Variants in MYH7B observed in about 807,000 individuals in gnomAD.
MYH7B encodes the protein myosin-7B.
A neutral mutation model predicts 234.5 loss-of-function variants in MYH7B; 205 were observed. That is an observed-to-expected ratio of 0.87 (90% CI 0.78 to 0.98). The LOEUF (loss-of-function observed/expected upper bound fraction) is 0.98. Ranked by LOEUF, MYH7B falls within the 50% of genes least tolerant of loss-of-function variation. The pLI, the probability that MYH7B is intolerant of heterozygous loss-of-function variation, is 0.00. For missense variants in MYH7B, 2,652 were observed against 2,633.4 expected, an observed-to-expected ratio of 1.01 and a Z score of -0.15; for synonymous variants, 1,193 against 1,105.0, an observed-to-expected ratio of 1.08 and a Z score of -1.58.
intron 43 of MYH7B, 147 bp downstream of exon 43, chr20:35,001,673 T>G (rs1230716699): frequency 2.4e-6 from 2 of 819,960 alleles, no homozygotes; most frequent in African/African-American, 3.4e-5. Flanking sequence ...TCTGGGGAGA[T>G]CAGACCTAGC....
chr20:34,982,634 T>A (rs933832248), intron 10 of MYH7B, 79 bp downstream of exon 10: 1 of 1,171,634 alleles, frequency 8.5e-7, no homozygotes, highest in Non-Finnish European at 1.2e-6. Flanking sequence ...TTTTTTTTTT[T>A]CCCCCTTTTT....
chr20:34,970,942 T>C (rs548356414), intron 2 of MYH7B, among the ~76,000 whole-genome samples: 40 of 152,044 alleles, frequency 2.6e-4, no homozygotes, highest in South Asian at 1.9e-3. Flanking sequence ...GAGCCACAGG[T>C]TGAACTCAAG....
chr20:34,994,208 G>A lies in MYH7B; in HGVS notation c.2507G>A (p.Trp836Ter). ...TTCAATGCCGTCAAGAACTGGTCATGGATGAAGCTCTTTTTCAAGATGAAG... is the reference window on the plus strand; with the variant it reads ...TTCAATGCCGTCAAGAACTGGTCATAGATGAAGCTCTTTTTCAAGATGAAG... The change falls in exon 27 of 45, where the codon TGG becomes TAG. Residue 836 changes from tryptophan to a stop codon, truncating the protein, a stop_gained. Coordinates refer to ENST00000262873, the Ensembl canonical transcript of MYH7B. LOFTEE classifies it high-confidence loss of function. 1.2e-6 allele frequency: 2 copies of A among 1,613,436 alleles called. No homozygotes were observed. Among genetic ancestry groups the A allele is most frequent in the Non-Finnish European group, 1.7e-6 (2 of 1,180,014 alleles).
chr20:34,966,928 AT>A (rs199627255), intron 2 of MYH7B, among the ~76,000 whole-genome samples: 21 of 150,558 alleles, frequency 1.4e-4, no homozygotes, highest in Non-Finnish European at 2.2e-4. Flanking sequence ...GTCTTTAAAA[AT>A]TTTTTTTTTA....
rs1258730056 is a variant in MYH7B, at chr20:34,988,207, G to A, written c.1532G>A (p.Trp511Ter). The change falls in exon 19 of 45, where the codon TGG (tryptophan) becomes TAG (stop). Residue 511 changes from tryptophan to a stop codon, truncating the protein, a stop_gained. Coordinates refer to ENST00000262873, the Ensembl canonical transcript of MYH7B. LOFTEE classifies it high-confidence loss of function. ...GAGTACAAGCGGGAGGGCATCGACT[G>A]GGTCTTCATCGACTTCGGCCTTGAC... 8.7e-6 allele frequency: 14 copies of A among 1,614,076 alleles called. No individual in the cohort carries two copies. Among genetic ancestry groups the A allele is most frequent in the Non-Finnish European group, 1.2e-5 (14 of 1,180,026 alleles).
In MYH7B at chr20:34,998,277, C is replaced by T. The variant is rs755384545; in HGVS notation, c.3748-18C>T. On this transcript the variant is annotated intron_variant, in intron 32 of 44. Coordinates refer to ENST00000262873, the Ensembl canonical transcript of MYH7B. ...GACATCTAACTCCTGACCCCTGACT[C>T]CCAACCTGGGATCCTAGGCCAGTGC... 3 of 1,613,102 alleles carry T rather than the reference C, an allele frequency of 1.9e-6. No homozygotes were observed. Among genetic ancestry groups the T allele is most frequent in the Admixed American group, 1.7e-5 (1 of 59,984 alleles).
At chr20:35,001,832 C>A in intron 43 of MYH7B, 116 bp from the exon 44 acceptor site, 2 of 1,456,160 alleles carry the variant, frequency 1.4e-6, no homozygotes, top group South Asian at 2.7e-5. Flanking sequence ...TGGACAGTGG[C>A]AATAGGAACA....
chr20:34,998,029 T>C (rs751792070), intron 32 of MYH7B, among the ~76,000 whole-genome samples: 1 of 152,122 alleles, frequency 6.6e-6, no homozygotes, highest in Non-Finnish European at 1.5e-5. Flanking sequence ...CCTCTGACCA[T>C]TGTCCCCAGG....
At chr20:34,996,809 C>T in intron 30 of MYH7B, 51 bp downstream of exon 30, 4 of 1,575,028 alleles carry the variant, frequency 2.5e-6, no homozygotes, top group Non-Finnish European at 3.4e-6. Flanking sequence ...GCACCTGGCC[C>T]TTGTTCCCTT....
chr20:34,969,157 T>G (rs1343531168), intron 2 of MYH7B, among the ~76,000 whole-genome samples: 3 of 152,088 alleles, frequency 2.0e-5, no homozygotes, highest in African/African-American at 7.2e-5. Flanking sequence ...AGGGTACCCC[T>G]GGGACTCAGA....
chr20:34,997,352 G>C, exon 32 of MYH7B: 1 of 1,537,246 alleles, frequency 6.5e-7, no homozygotes, highest in Non-Finnish European at 8.7e-7. Flanking sequence ...TGGAGGAGCT[G>C]AGCGAGCGGC....
At chr20:34,987,010 G>A (rs1340957507) in intron 15 of MYH7B, 21 bp downstream of exon 15, 1 of 1,610,850 alleles carries the variant, frequency 6.2e-7, no homozygotes, top group Admixed American at 1.7e-5. Flanking sequence ...TGGTGGGAGG[G>A]GAGCTGTGTG....
exon 44 of MYH7B, chr20:35,001,949 A>G: frequency 1.9e-6 from 3 of 1,612,366 alleles, no homozygotes; most frequent in Middle Eastern, 1.7e-4. Context: ...TGCCCCCAGG[A>G]GCAGCAGGCC....
exon 35 of MYH7B, chr20:34,998,764 T>C: frequency 1.2e-6 from 2 of 1,612,912 alleles, no homozygotes; most frequent in South Asian, 1.1e-5. Context: ...GCGGCACGAC[T>C]GTGACCTCCT....
intron 43 of MYH7B, 69 bp downstream of exon 43, chr20:35,001,595 G>A: frequency 7.2e-7 from 1 of 1,383,522 alleles, no homozygotes; most frequent in Non-Finnish European, 1.0e-6. Context: ...GTGGCCAGGT[G>A]AGGCATCAGC....
chr20:34,978,047 C>T (rs1049717826), exon 5 of MYH7B: 1 of 1,614,140 alleles, frequency 6.2e-7, no homozygotes, highest in Non-Finnish European at 8.5e-7. Context: ...CCCGCTACCT[C>T]CGCCAGGGCT....
chr20:35,000,676 T>G (rs1415442189), exon 39 of MYH7B: 2 of 1,591,994 alleles, frequency 1.3e-6, no homozygotes, highest in Non-Finnish European at 8.5e-7. Flanking sequence ...CGCCTCAACC[T>G]TCTGCATTCG....
chr20:34,983,833 G>A (rs1479054317), intron 10 of MYH7B, among the ~76,000 whole-genome samples: 1 of 152,220 alleles, frequency 6.6e-6, no homozygotes, highest in Non-Finnish European at 1.5e-5. Flanking sequence ...TGACCACAAA[G>A]TCCGTGGTGG....
At chr20:34,993,225 G>A (rs750955960) in exon 25 of MYH7B, 16 of 1,613,864 alleles carry the variant, frequency 9.9e-6, no homozygotes, top group Middle Eastern at 3.3e-4. Context: ...GCCACACCAA[G>A]GTCGGGGCAC....
Sources: allele counts gnomAD v4.1 joint callset (sites outside exome capture counted in the v4.1 genomes callset), GRCh38; gene constraint gnomAD v4.1.1; transcripts MANE v1.5; gene names NCBI Gene and HGNC (gene_info 2026-07-23, HGNC 2026-07-21).